Variants in HPSE2 observed in about 807,000 individuals in gnomAD.
HPSE2 encodes inactive heparanase-2.
Under a neutral mutation model 60.5 loss-of-function variants are expected in HPSE2, and 38 were observed. That is an observed-to-expected ratio of 0.63 (90% confidence interval 0.48 to 0.82). HPSE2 has a LOEUF of 0.82. HPSE2 is among the 40% of genes least tolerant of loss of function. The pLI is 0.00. For missense variants in HPSE2, 713 were observed against 740.4 expected (o/e 0.96, Z 0.43); for synonymous variants, 295 against 293.2 (o/e 1.01, Z -0.06).
At chr10:99,298,628 T>C in the HPSE2 span, among the ~76,000 whole-genome samples, 1 of 151,854 alleles carries the variant, frequency 6.6e-6, no homozygotes, top group Admixed American at 6.6e-5. Context: ...ACTTGTTTTG[T>C]AAAAAGTAAA....
chr10:98,732,628 T>C lies in HPSE2; in HGVS notation c.785-10800A>G, dbSNP rs145090497. On this transcript the variant is annotated intron_variant, in intron 4 of 11. Coordinates refer to ENST00000370552, the MANE Select transcript of HPSE2 (RefSeq NM_021828.5). Reference sequence around the variant, plus strand: ...CTTACTTCACAACGTTCACAAAAATTAACTCCTAATAGATTTAGGGCCAAA... The same window carrying C: ...CTTACTTCACAACGTTCACAAAAATCAACTCCTAATAGATTTAGGGCCAAA... 3.7e-3 allele frequency among the ~76,000 whole-genome samples: 560 copies of C among 152,222 alleles called. 5 individuals carry two copies. Among genetic ancestry groups the C allele is most frequent in the African/African-American group, 0.013 (541 of 41,538 alleles).
chr10:99,139,577 C>T (rs1054093698), intron 3 of HPSE2, among the ~76,000 whole-genome samples: 2 of 152,006 alleles, frequency 1.3e-5, no homozygotes, highest in African/African-American at 4.8e-5. Context: ...ATGATGTTTA[C>T]TATATTTATT....
intron 9 of HPSE2, among the ~76,000 whole-genome samples, chr10:98,515,770 T>C (rs1211870447): frequency 1.3e-5 from 2 of 151,490 alleles, no homozygotes; most frequent in African/African-American, 2.5e-5. Flanking sequence ...AACTTCCTTA[T>C]TCTTAAAATG....
intron 9 of HPSE2, among the ~76,000 whole-genome samples, chr10:98,578,518 T>G (rs988326012): frequency 6.6e-6 from 1 of 152,190 alleles, no homozygotes; most frequent in Non-Finnish European, 1.5e-5. Context: ...TAATTTAGAA[T>G]GACAGAATTT....
chr10:98,788,740 G>T (rs537766050), intron 3 of HPSE2, among the ~76,000 whole-genome samples: 2 of 151,594 alleles, frequency 1.3e-5, no homozygotes, highest in African/African-American at 4.8e-5. Flanking sequence ...TCTTTGACTC[G>T]GAAAGGGAAC....
chr10:99,269,279 C>T, the HPSE2 span, among the ~76,000 whole-genome samples: 1 of 152,024 alleles, frequency 6.6e-6, no homozygotes, highest in African/African-American at 2.4e-5. Context: ...TACAAATGGA[C>T]ACTGAAAGTA....
At chr10:98,721,864 A>G (rs1398869171) in intron 4 of HPSE2, 36 bp from the exon 5 acceptor site, 1 of 1,584,216 alleles carries the variant, frequency 6.3e-7, no homozygotes, top group Admixed American at 1.7e-5. Context: ...CAGAATGAGA[A>G]GTGTAAGGTT....
chr10:98,680,220 G>A (rs1451975835), intron 6 of HPSE2, among the ~76,000 whole-genome samples: 1 of 152,132 alleles, frequency 6.6e-6, no homozygotes, highest in Non-Finnish European at 1.5e-5. Context: ...GAAATATTTA[G>A]TTGCAAACAT....
At chr10:98,789,622 GGGCTGACCTTGGATGA>G (rs1950613586) in intron 3 of HPSE2, among the ~76,000 whole-genome samples, 1 of 152,182 alleles carries the variant, frequency 6.6e-6, no homozygotes, top group African/African-American at 2.4e-5. Flanking sequence ...GTCTTGAGTA[GGGCTGACCTTGGATGA>G]GGCTACTCTC....
intron 6 of HPSE2, among the ~76,000 whole-genome samples, chr10:98,650,689 T>G (rs1946892079): frequency 6.6e-6 from 1 of 152,150 alleles, no homozygotes; most frequent in Non-Finnish European, 1.5e-5. Flanking sequence ...GTGACCAAGG[T>G]GATTACTAAT....
chr10:99,064,708 A>G (rs933189164), intron 3 of HPSE2, among the ~76,000 whole-genome samples: 1 of 150,476 alleles, frequency 6.6e-6, no homozygotes, highest in Non-Finnish European at 1.5e-5. Context: ...GCATAATATT[A>G]TTCTAAAATA....
intron 7 of HPSE2, among the ~76,000 whole-genome samples, chr10:98,630,864 C>T (rs1310857778): frequency 6.6e-6 from 1 of 152,102 alleles, no homozygotes; most frequent in African/African-American, 2.4e-5. Context: ...AAACCAAATC[C>T]TCACAGTTCC....
chr10:98,907,044 A>G (rs973118540), intron 3 of HPSE2, among the ~76,000 whole-genome samples: 3 of 152,326 alleles, frequency 2.0e-5, no homozygotes, highest in Non-Finnish European at 4.4e-5. Context: ...TAAATTCCTC[A>G]CAACAATTCT....
At chr10:98,767,969 G>T (rs1352789064) in intron 3 of HPSE2, among the ~76,000 whole-genome samples, 2 of 149,412 alleles carry the variant, frequency 1.3e-5, no homozygotes, top group Non-Finnish European at 3.0e-5. Flanking sequence ...ATATAATAGT[G>T]ATACATTAAA....
At chr10:98,978,635 G>A (rs1002882181) in intron 3 of HPSE2, among the ~76,000 whole-genome samples, 8 of 152,020 alleles carry the variant, frequency 5.3e-5, no homozygotes, top group African/African-American at 1.7e-4. Flanking sequence ...CTTTACGTAG[G>A]TATTCTGAGA....
chr10:98,565,155 G>T (rs930247201), intron 9 of HPSE2, among the ~76,000 whole-genome samples: 3 of 42,800 alleles, frequency 7.0e-5, no homozygotes, highest in Admixed American at 3.9e-4. Context: ...AAAACTTGAA[G>T]AATTTTTTTT....
chr10:99,226,591 A>T (rs1026567707), intron 2 of HPSE2, among the ~76,000 whole-genome samples: 1 of 152,004 alleles, frequency 6.6e-6, no homozygotes, highest in African/African-American at 2.4e-5. Context: ...TGCTGATGTT[A>T]ACCTTAGTCA....
At chr10:98,850,619 C>T (rs1952148022) in intron 3 of HPSE2, among the ~76,000 whole-genome samples, 2 of 151,666 alleles carry the variant, frequency 1.3e-5, no homozygotes, top group African/African-American at 2.4e-5. Context: ...TGCCTGTAGT[C>T]CCAGCTACTC....
intron 3 of HPSE2, among the ~76,000 whole-genome samples, chr10:99,020,827 TAAAA>T (rs1957245916): frequency 1.3e-5 from 2 of 152,146 alleles, no homozygotes; most frequent in Admixed American, 1.3e-4. Flanking sequence ...GGTGATTTTC[TAAAA>T]TCACCACCAG....
Sources: gnomAD v4.1 joint callset for allele counts (sites outside exome capture counted in the v4.1 genomes callset) on GRCh38, gnomAD v4.1.1 for gene constraint, MANE v1.5 for transcripts, NCBI Gene and HGNC (gene_info 2026-07-23, HGNC 2026-07-21) for gene names.